Variants in CRAT observed in about 807,000 individuals in gnomAD.
CRAT encodes the protein carnitine acetylase.
CRAT carries 66 observed loss-of-function variants against 73.7 expected under a neutral mutation model. The observed-to-expected ratio is 0.90, with a 90% CI of 0.73 to 1.10. The LOEUF (loss-of-function observed/expected upper bound fraction) is 1.10, where lower values mean the gene tolerates loss of function less well. Ranked by LOEUF, CRAT falls within the 50% of genes least tolerant of loss-of-function variation. CRAT has a pLI of 0.00. For synonymous variants in CRAT, 321 were observed against 343.2 expected, an observed-to-expected ratio of 0.94 and a Z score of 0.71; for missense variants, 745 against 846.9, an observed-to-expected ratio of 0.88 and a Z score of 1.49.
At chr9:129,098,679 T>C (rs1322874988) in intron 8 of CRAT, 29 bp from the exon 9 acceptor site, 2 of 1,588,836 alleles carry the variant, frequency 1.3e-6, no homozygotes, top group Non-Finnish European at 1.7e-6. Flanking sequence ...CTCAGGCTCA[T>C]GCTGGTGCCT....
chr9:129,095,314 G>C lies in CRAT; in HGVS notation c.*83C>G. 3 of 1,416,322 alleles carry C rather than the reference G, an allele frequency of 2.1e-6. No homozygotes were observed. The highest frequency in any genetic ancestry group is 2.9e-6 in the Non-Finnish European group (3 of 1,024,134). The allele number at this position is 1,416,322 out of a possible 1,614,324, so 87.7% of individuals were successfully genotyped here. On this transcript the variant is annotated 3_prime_UTR_variant, in exon 14 of 14. Transcript: ENST00000318080. ...CAGGGAAGAGGGAACCAAGGAAGAG[G>C]GAACCAAGGAGCTGAGCCCTGGTGG...
At chr9:129,099,843 G>A in intron 8 of CRAT, 23 bp downstream of exon 8, 2 of 1,570,690 alleles carry the variant, frequency 1.3e-6, no homozygotes, top group Non-Finnish European at 1.7e-6. Flanking sequence ...GGGGAACTAG[G>A]CGAGAGATGT....
At chr9:129,102,599 G>T in intron 4 of CRAT, 34 bp from the exon 5 acceptor site, 1 of 1,610,528 alleles carries the variant, frequency 6.2e-7, no homozygotes, top group South Asian at 1.1e-5. Context: ...GCCACCACTG[G>T]GCAAGTGAAT....
At chr9:129,105,845 T>C (rs1267890674) in intron 2 of CRAT, among the ~76,000 whole-genome samples, 1 of 151,948 alleles carries the variant, frequency 6.6e-6, no homozygotes, top group African/African-American at 2.4e-5. Context: ...CGGTCTGTCC[T>C]CTCTCTGGGG....
intron 1 of CRAT, chr9:129,108,772 C>G (rs2131500165): frequency 7.7e-7 from 1 of 1,304,286 alleles, no homozygotes; most frequent in Non-Finnish European, 1.0e-6. Context: ...CCTTCTCTCT[C>G]TGCTGCCCGT....
In CRAT at chr9:129,110,326, C is replaced by CT. The variant is rs1192583290; in HGVS notation, c.27+156dup. Among the ~76,000 whole-genome samples the CT allele has an allele frequency of 6.6e-6, 1 of 152,238 alleles. No homozygotes were observed. Among genetic ancestry groups the CT allele is most frequent in the Non-Finnish European group, 1.5e-5 (1 of 68,040 alleles). ...GCTTCTGACCTTGCGCCCCAATCTC[C>CT]TGCTCTGCCAAACCTGGGACGCCCG... On this transcript the variant is annotated intron_variant, in intron 1 of 13. Transcript: ENST00000318080. This position sits in a 1 kb window ranked among gnomAD's most constrained non-coding sequence, Gnocchi z 5.3.
intron 1 of CRAT, chr9:129,108,900 T>C: frequency 7.7e-7 from 1 of 1,291,438 alleles, no homozygotes; most frequent in South Asian, 1.3e-5. Flanking sequence ...GCCACTTGCC[T>C]GGGCTGGAAA....
In CRAT at chr9:129,108,595, G is replaced by C. The variant is rs921964650; in HGVS notation, c.28-518C>G. 2.0e-5 allele frequency: 21 copies of C among 1,055,536 alleles called. No individual in the cohort carries two copies. In the African/African-American group the frequency reaches 3.2e-4, roughly 16 times the overall value. The allele number at this position is 1,055,536 out of a possible 1,614,324, so 65.4% of individuals were successfully genotyped here. On this transcript the variant is annotated intron_variant, in intron 1 of 13. Coordinates refer to ENST00000318080, the MANE Select transcript of CRAT (RefSeq NM_000755.5). The stretch of plus-strand genomic sequence containing the variant: ...CCTGCCTTTGAGATGGGGCAGGGGT[G>C]GGGTGAGGGCAGTGCTGTGGCGAGA...
At position 129,107,911 on chromosome 9, in the gene CRAT, TG is replaced by T; in HGVS notation, c.193del (p.His65ThrfsTer15). 6.2e-7 allele frequency: 1 copy of T among 1,611,064 alleles called. No homozygotes were observed. On this transcript the variant is annotated frameshift_variant, in exon 2 of 14. Coordinates refer to ENST00000318080, the MANE Select transcript of CRAT (RefSeq NM_000755.5). LOFTEE classifies it high-confidence loss of function. This position sits in a 1 kb window ranked among gnomAD's most constrained non-coding sequence, Gnocchi z 5.0. ...QPIVSEEEWAHTKQLVDEFQA... is the reference protein window; with the variant it reads ...QPIVSEEEWAXTKQLVDEFQA... ...AAACTCATCCACCAGCTGCTTGGTG[TG>T]GGCCCACTCCTCCTCACTCACGATG...
In CRAT at chr9:129,110,633, G is replaced by T; in HGVS notation, c.-124C>A. ...AGAGCCTTCGGGCCAAGGTCGCTGAGTTACAGCCGCCAGCCGGTAGAGGCA... is the reference window on the plus strand; with the variant it reads ...AGAGCCTTCGGGCCAAGGTCGCTGATTTACAGCCGCCAGCCGGTAGAGGCA... On this transcript the variant is annotated 5_prime_UTR_variant, in exon 1 of 14. Coordinates refer to ENST00000318080, the MANE Select transcript of CRAT (RefSeq NM_000755.5). This position sits in a 1 kb window ranked among gnomAD's most constrained non-coding sequence, Gnocchi z 5.3. 1 of 1,185,002 alleles carries T rather than the reference G, an allele frequency of 8.4e-7. No individual in the cohort carries two copies. Among genetic ancestry groups the T allele is most frequent in the Non-Finnish European group, 1.1e-6 (1 of 895,942 alleles). The allele number at this position is 1,185,002 out of a possible 1,614,324, so 73.4% of individuals were successfully genotyped here.
At chr9:129,109,712 C>T (rs959480834) in intron 1 of CRAT, among the ~76,000 whole-genome samples, 1 of 152,180 alleles carries the variant, frequency 6.6e-6, no homozygotes, top group African/African-American at 2.4e-5. Context: ...AGGCCTGAGC[C>T]TGGATGCACC....
chr9:129,102,899 A>C, intron 4 of CRAT, 114 bp downstream of exon 4: 1 of 988,276 alleles, frequency 1.0e-6, no homozygotes, highest in Non-Finnish European at 1.6e-6. Context: ...CAGCAGCTGG[A>C]GCAGGGCCCA....
In CRAT at chr9:129,098,330, T is replaced by C. The variant is rs777563979; in HGVS notation, c.1247A>G (p.His416Arg). 6.2e-7 allele frequency: 1 copy of C among 1,613,994 alleles called. No individual in the cohort carries two copies. Among genetic ancestry groups the C allele is most frequent in the East Asian group, 2.2e-5 (1 of 44,888 alleles). The change falls in exon 10 of 14, where the codon CAT becomes CGT. Residue 416 changes from histidine to arginine, a missense_variant. Physicochemically the swap from His to Arg is conservative, Grantham distance 29. Transcript: ENST00000318080. ...DLDITVMVFHHFGKDFPKSEK... is the reference protein window; with the variant it reads ...DLDITVMVFHRFGKDFPKSEK... ...CGACTTGGGGAAGTCTTTTCCAAAA[T>C]GGTGGAACACCATCACGGTGATATC...
intron 12 of CRAT, 70 bp downstream of exon 12, chr9:129,097,180 G>A: frequency 2.2e-6 from 3 of 1,364,810 alleles, no homozygotes; most frequent in Non-Finnish European, 3.0e-6. Flanking sequence ...TGCAGGGACG[G>A]ACAGTCAGAG....
Position 129,098,277 on chromosome 9 carries a change from G to A in CRAT, c.1300C>T (p.Gln434Ter). ...SEKLSPDAFI[Q>*]MALQLAYYRI... ...TAGTAGGCCAGCTGCAAAGCCATCT[G>A]GATGAAGGCATCTGGGCTTAGCTTC... is the stretch of plus-strand genomic sequence containing the variant. Residue 434 changes from glutamine to a stop codon, truncating the protein, a stop_gained, in exon 10 of 14, where the codon CAG becomes TAG. Coordinates refer to ENST00000318080, the MANE Select transcript of CRAT (RefSeq NM_000755.5). LOFTEE classifies it high-confidence loss of function. The A allele has an allele frequency of 6.2e-7, 1 of 1,614,004 alleles. No individual in the cohort carries two copies. The highest frequency in any genetic ancestry group is 8.5e-7 in the Non-Finnish European group (1 of 1,180,040).
Position 129,102,068 on chromosome 9 carries a change from A to G in CRAT, c.631-11T>C. ...ATCCAGCTCAAAAAACTGTTGGGGC[A>G]CAGGCAGGTAAGAGGAGGGAGCTGA... is the stretch of plus-strand genomic sequence containing the variant. On this transcript the variant is annotated splice_polypyrimidine_tract_variant and intron_variant, in intron 5 of 13. Coordinates refer to ENST00000318080, the MANE Select transcript of CRAT (RefSeq NM_000755.5). 1 of 1,612,794 alleles carries G rather than the reference A, an allele frequency of 6.2e-7. No individual in the cohort carries two copies. The highest frequency in any genetic ancestry group is 8.5e-7 in the Non-Finnish European group (1 of 1,179,336).
rs1202340018 is a variant in CRAT at position 129,110,220 on chromosome 9, G to A, written c.27+263C>T. Among the ~76,000 whole-genome samples the A allele has an allele frequency of 6.6e-6, 1 of 152,176 alleles. No homozygotes were observed. Among genetic ancestry groups the A allele is most frequent in the Admixed American group, 6.5e-5 (1 of 15,282 alleles). ...CGGCCTGTCTCTGGGTCTAAGGGTG[G>A]GGGTGCTAACTGAAGCCGGGGTCCC... is the stretch of plus-strand genomic sequence containing the variant. On this transcript the variant is annotated intron_variant, in intron 1 of 13. Transcript: ENST00000318080. The surrounding 1 kb of genome is among the most constrained non-coding windows in gnomAD (Gnocchi z 5.3).
At chr9:129,102,910 G>C in intron 4 of CRAT, 103 bp downstream of exon 4, 1 of 1,112,002 alleles carries the variant, frequency 9.0e-7, no homozygotes, top group Non-Finnish European at 1.4e-6. Context: ...GCAGGGCCCA[G>C]GGCCCAAGCT....
chr9:129,101,288 A>C (rs1399255090), intron 6 of CRAT, among the ~76,000 whole-genome samples: 1 of 152,188 alleles, frequency 6.6e-6, no homozygotes, highest in African/African-American at 2.4e-5. Context: ...GAATGTTGGG[A>C]AAAGGACTTG....
Sources: gnomAD v4.1 joint callset for allele counts (sites outside exome capture counted in the v4.1 genomes callset) on GRCh38, gnomAD v4.1.1 for gene constraint, Gnocchi (gnomAD v3.1) non-coding constraint, MANE v1.5 for transcripts, NCBI Gene and HGNC (gene_info 2026-07-23, HGNC 2026-07-21) for gene names.